The following TFAP2C variants were observed in gnomAD, a reference collection of about 807,000 sequenced individuals.
TFAP2C encodes the protein activating enhancer-binding protein 2 gamma.
TFAP2C carries 9 observed loss-of-function variants against 42.9 expected under a neutral mutation model. The observed-to-expected ratio is 0.21, with a 90% CI of 0.13 to 0.37. The LOEUF (loss-of-function observed/expected upper bound fraction) is 0.37, where lower values mean the gene tolerates loss of function less well. Among genes scored for constraint, TFAP2C ranks in the 10% least tolerant of loss-of-function variants. TFAP2C has a pLI of 1.00. For synonymous variants in TFAP2C, 264 were observed against 256.0 expected (o/e 1.03, Z -0.30); for missense variants, 462 against 591.7 (o/e 0.78, Z 2.27).
intron 6 of TFAP2C, 100 bp downstream of exon 6, chr20:56,636,854 T>C (rs1376320776): frequency 1.4e-6 from 2 of 1,399,920 alleles, no homozygotes; most frequent in Non-Finnish European, 9.6e-7. Flanking sequence ...CAAAGAAATA[T>C]TCTTGAAATA....
chr20:56,634,055 A>G, intron 4 of TFAP2C, 95 bp from the exon 5 acceptor site: 1 of 813,838 alleles, frequency 1.2e-6, no homozygotes, highest in Non-Finnish European at 2.1e-6. Context: ...TTCAGCTTTG[A>G]CAGCAGCACT....
In TFAP2C at chr20:56,631,017, G is replaced by C; in HGVS notation, c.49-188G>C. ...TTTCACCAGACTCTCCTCCCTCCCC[G>C]CACTCTTTGCTTACAACGAAATCCT... On this transcript the variant is annotated intron_variant, in intron 1 of 6. Transcript: ENST00000201031. This position sits in a 1 kb window ranked among gnomAD's most constrained non-coding sequence, Gnocchi z 6.1. 2.0e-6 allele frequency: 2 copies of C among 985,310 alleles called. No individual in the cohort carries two copies. The highest frequency in any genetic ancestry group is 2.4e-6 in the Non-Finnish European group (2 of 829,882). 61.0% of individuals were successfully genotyped at this position (985,310 alleles called of 1,614,324 possible). A position where few individuals can be genotyped will look rare whatever the true frequency, so the allele number is the denominator to read the frequency against.
In TFAP2C at chr20:56,629,611, G is replaced by T; in HGVS notation, c.48+19G>T. 7.1e-7 allele frequency: 1 copy of T among 1,400,616 alleles called. No individual in the cohort carries two copies. Among genetic ancestry groups the T allele is most frequent in the South Asian group, 1.9e-5 (1 of 53,834 alleles). 86.8% of individuals were successfully genotyped at this position (1,400,616 alleles called of 1,614,324 possible). A position where few individuals can be genotyped will look rare whatever the true frequency, so the allele number is the denominator to read the frequency against. The stretch of plus-strand genomic sequence containing the variant: ...CTGCGAGGTGAGCTGGGGCTCCGGG[G>T]TGCAGCCCCGCCCCGCCGAGGACAG... On this transcript the variant is annotated intron_variant, in intron 1 of 6. Transcript: ENST00000201031. This position sits in a 1 kb window ranked among gnomAD's most constrained non-coding sequence, Gnocchi z 5.9.
chr20:56,631,441 C>A lies in TFAP2C; in HGVS notation c.285C>A (p.Pro95=), dbSNP rs763648442. The A allele has an allele frequency of 1.8e-4, 291 of 1,580,858 alleles. 2 individuals carry two copies. The Admixed American group carries it at 5.1e-3, about 28-fold the overall frequency. Residue 95 remains proline, a synonymous_variant, in exon 2 of 7, where the codon CCC becomes CCA. Coordinates refer to ENST00000201031, the MANE Select transcript of TFAP2C (RefSeq NM_003222.4). This position sits in a 1 kb window ranked among gnomAD's most constrained non-coding sequence, Gnocchi z 6.1. ...AAINPLHQPA[P]TGSQQQAWPG... is the part of the protein sequence containing the mutation. ...TCAACCCCCTGCACCAGCCGGCGCC[C>A]ACAGGCAGCCAGCAGCAGGCCTGGC...
At position 56,633,375 on chromosome 20, in the gene TFAP2C, C is replaced by T. The variant is rs1196335660; in HGVS notation, c.609C>T (p.Asn203=). 5 of 1,613,710 alleles carry T rather than the reference C, an allele frequency of 3.1e-6. No homozygotes were observed. Among genetic ancestry groups the T allele is most frequent in the Non-Finnish European group, 4.2e-6 (5 of 1,179,928 alleles). The part of the protein sequence containing the change: ...IRKGPISMTK[N]PLNLPCQKEL... ...CAGGTCCCATTTCCATGACCAAGAA[C>T]CCTCTGAACCTCCCCTGTCAGAAGG... Residue 203 remains asparagine (N), a synonymous_variant, in exon 4 of 7, where the codon AAC becomes AAT. Coordinates refer to ENST00000201031, the MANE Select transcript of TFAP2C (RefSeq NM_003222.4).
chr20:56,631,647 A>C lies in TFAP2C; in HGVS notation c.491A>C (p.Asn164Thr). Reference protein sequence around the residue: ...HALDAAGLAENLGLHDMPHQM... With the variant: ...HALDAAGLAETLGLHDMPHQM... ...CTGGATGCCGCGGGCCTGGCCGAGA[A>C]CCTGGGGCTCCACGACATGCCTCAC... The change falls in exon 2 of 7, where the codon AAC (asparagine) becomes ACC (threonine). Residue 164 changes from asparagine (N) to threonine (T), a missense_variant. Coordinates refer to ENST00000201031, the MANE Select transcript of TFAP2C (RefSeq NM_003222.4). The surrounding 1 kb of genome is among the most constrained non-coding windows in gnomAD (Gnocchi z 6.1). 2 of 1,583,152 alleles carry C rather than the reference A, an allele frequency of 1.3e-6. No individual in the cohort carries two copies. The highest frequency in any genetic ancestry group is 1.7e-6 in the Non-Finnish European group (2 of 1,169,616).
rs74337668 is a variant in TFAP2C at position 56,638,456 on chromosome 20, G to A, written c.*443G>A. ...AAGGTAATGGTTGGTTTTTGTGTCC[G>A]CTAAATATTTACCTTGAAAAAAAGA... On this transcript the variant is annotated 3_prime_UTR_variant, in exon 7 of 7. Coordinates refer to ENST00000201031, the MANE Select transcript of TFAP2C (RefSeq NM_003222.4). The A allele has an allele frequency of 0.015, 2,308 of 158,438 alleles. 23 individuals are homozygous for A. Among genetic ancestry groups the A allele is most frequent in the Non-Finnish European group, 0.022 (1,547 of 71,558 alleles). The allele number at this position is 158,438 out of a possible 1,614,324, so 9.8% of individuals were successfully genotyped here. A position where few individuals can be genotyped will look rare whatever the true frequency, so the allele number is the denominator to read the frequency against.
chr20:56,631,924 G>GT lies in TFAP2C; in HGVS notation c.586+70dup, dbSNP rs1447089466. ...TGGGCTTGTGAAGTTGACTGGCAAG[G>GT]TTGGGGGTATTTGGTGGCCAGCGTG... On this transcript the variant is annotated intron_variant, in intron 3 of 6. Coordinates refer to ENST00000201031, the MANE Select transcript of TFAP2C (RefSeq NM_003222.4). The surrounding 1 kb of genome is among the most constrained non-coding windows in gnomAD (Gnocchi z 6.1). 3 of 1,581,520 alleles carry GT rather than the reference G, an allele frequency of 1.9e-6. No homozygotes were observed. The African/African-American group carries it at 4.0e-5, about 21-fold the overall frequency.
intron 4 of TFAP2C, among the ~76,000 whole-genome samples, chr20:56,633,948 G>A (rs1031303125): frequency 2.0e-5 from 3 of 152,322 alleles, no homozygotes; most frequent in Middle Eastern, 3.4e-3. Context: ...TGGATGCTAG[G>A]AAAGATTGAT....
rs1987459587 is a variant in TFAP2C at position 56,630,180 on chromosome 20, A to AG, written c.48+591dup. On this transcript the variant is annotated intron_variant, in intron 1 of 6. Coordinates refer to ENST00000201031, the MANE Select transcript of TFAP2C (RefSeq NM_003222.4). This position sits in a 1 kb window ranked among gnomAD's most constrained non-coding sequence, Gnocchi z 5.1. ...TTGAGCTAGAGTTTCGGAGAGTGGG[A>AG]GGGAAGAAGGAGGCGGCGAGCGGGA... The AG allele has an allele frequency of 7.2e-6, 2 of 278,676 alleles. No homozygotes were observed. Among genetic ancestry groups the AG allele is most frequent in the Non-Finnish European group, 1.5e-5 (2 of 134,526 alleles). 17.3% of individuals were successfully genotyped at this position (278,676 alleles called of 1,614,324 possible).
chr20:56,631,745 C>T lies in TFAP2C; in HGVS notation c.534+55C>T, dbSNP rs990844921. The T allele has an allele frequency of 1.3e-5, 21 of 1,612,934 alleles. No individual in the cohort carries two copies. The Admixed American group carries it at 3.5e-4, about 27-fold the overall frequency. On this transcript the variant is annotated intron_variant, in intron 2 of 6. Coordinates refer to ENST00000201031, the MANE Select transcript of TFAP2C (RefSeq NM_003222.4). The surrounding 1 kb of genome is among the most constrained non-coding windows in gnomAD (Gnocchi z 6.1). ...CTGTTCACCCTACGGCCTTCTGCCC[C>T]CACCCCGCACTCCTCTAGGCTCCCC...
chr20:56,630,782 C>G lies in TFAP2C; in HGVS notation c.49-423C>G, dbSNP rs768339387. 1.0e-6 allele frequency: 1 copy of G among 985,314 alleles called. No individual in the cohort carries two copies. 61.0% of individuals were successfully genotyped at this position (985,314 alleles called of 1,614,324 possible). On this transcript the variant is annotated intron_variant, in intron 1 of 6. Transcript: ENST00000201031. This position sits in a 1 kb window ranked among gnomAD's most constrained non-coding sequence, Gnocchi z 5.1. ...CTGCCGCGCTGCCACCTCCAGCAGT[C>G]CCTGCGTCATGGGCGGGCTCCACGA...
In TFAP2C at chr20:56,630,591, C is replaced by A; in HGVS notation, c.49-614C>A. ...GGCTGGGCCCGGCCAGCAGGGAGGG[C>A]CGCCCTGTGCGCGCGCTCCCTCTTC... On this transcript the variant is annotated intron_variant, in intron 1 of 6. Coordinates refer to ENST00000201031, the MANE Select transcript of TFAP2C (RefSeq NM_003222.4). The surrounding 1 kb of genome is among the most constrained non-coding windows in gnomAD (Gnocchi z 5.1). The A allele has an allele frequency of 2.8e-6, 2 of 720,888 alleles. No homozygotes were observed. Among genetic ancestry groups the A allele is most frequent in the African/African-American group, 1.9e-5 (1 of 52,310 alleles). 44.7% of individuals were successfully genotyped at this position (720,888 alleles called of 1,614,324 possible).
rs201679767 is a variant in TFAP2C, at chr20:56,631,771, C to T, written c.535-34C>T. The T allele has an allele frequency of 1.9e-5, 30 of 1,614,070 alleles. No homozygotes were observed. The highest frequency in any genetic ancestry group is 2.5e-5 in the Non-Finnish European group (30 of 1,180,028). On this transcript the variant is annotated intron_variant, in intron 2 of 6. Coordinates refer to ENST00000201031, the MANE Select transcript of TFAP2C (RefSeq NM_003222.4). This position sits in a 1 kb window ranked among gnomAD's most constrained non-coding sequence, Gnocchi z 6.1. ...CACCCCGCACTCCTCTAGGCTCCCCCGAACTTAAGGGAATTTTGTCCTCTC... is the reference window on the plus strand; with the variant it reads ...CACCCCGCACTCCTCTAGGCTCCCCTGAACTTAAGGGAATTTTGTCCTCTC...
chr20:56,633,653 A>G (rs1320989732), intron 4 of TFAP2C, 84 bp downstream of exon 4: 7 of 941,530 alleles, frequency 7.4e-6, no homozygotes, highest in Non-Finnish European at 1.0e-5. Context: ...TTTAACATTT[A>G]TGTGACTTTA....
intron 6 of TFAP2C, among the ~76,000 whole-genome samples, chr20:56,637,472 G>A (rs531232024): frequency 1.3e-5 from 2 of 152,326 alleles, no homozygotes; most frequent in Admixed American, 6.5e-5. Flanking sequence ...CAGTTAGCTG[G>A]GGTTAAGTTA....
At chr20:56,633,825 TG>T (rs1987538803) in intron 4 of TFAP2C, among the ~76,000 whole-genome samples, 1 of 151,760 alleles carries the variant, frequency 6.6e-6, no homozygotes. Flanking sequence ...TGAGGGGAGG[TG>T]GGGGGAGCAC....
Position 56,638,264 on chromosome 20 carries a change from C to CTT in TFAP2C, c.*261_*262dup, listed in dbSNP as rs112295160. On this transcript the variant is annotated 3_prime_UTR_variant, in exon 7 of 7. Coordinates refer to ENST00000201031, the MANE Select transcript of TFAP2C (RefSeq NM_003222.4). ...AAGTACTGGCTCTTTATTCATTAAGCTTTTTTTTTTTGAACCCCATTCTTT... is the reference window on the plus strand; with the variant it reads ...AAGTACTGGCTCTTTATTCATTAAGCTTTTTTTTTTTTTGAACCCCATTCTTT... The CTT allele has an allele frequency of 4.5e-5, 16 of 356,794 alleles. No individual in the cohort carries two copies. Among genetic ancestry groups the CTT allele is most frequent in the Non-Finnish European group, 5.0e-5 (10 of 198,950 alleles). 22.1% of individuals were successfully genotyped at this position (356,794 alleles called of 1,614,324 possible). A position where few individuals can be genotyped will look rare whatever the true frequency, so the allele number is the denominator to read the frequency against.
rs74181067 is a variant in TFAP2C at position 56,636,525 on chromosome 20, C to CAAAA, written c.923-73_923-70dup. On this transcript the variant is annotated intron_variant, in intron 5 of 6. Transcript: ENST00000201031. ...TGGGCAACAGAGCGAGACTCCGTGT[C>CAAAA]AAAAAAAAAAAAAAAGAGAGAGGAA... 120 of 1,251,438 alleles carry CAAAA rather than the reference C, an allele frequency of 9.6e-5. No homozygotes were observed. The African/African-American group carries it at 1.4e-3, about 15-fold the overall frequency. The allele number at this position is 1,251,438 out of a possible 1,614,324, so 77.5% of individuals were successfully genotyped here.
Sources: allele counts gnomAD v4.1 joint callset (sites outside exome capture counted in the v4.1 genomes callset), GRCh38; gene constraint gnomAD v4.1.1; non-coding constraint Gnocchi (gnomAD v3.1); transcripts MANE v1.5; gene names NCBI Gene and HGNC (gene_info 2026-07-23, HGNC 2026-07-21).